RBFOX1: variants seen among roughly 807,000 people sequenced by gnomAD.
RBFOX1 encodes the protein RNA binding fox-1 homolog 1.
A neutral mutation model predicts 57.7 loss-of-function variants in RBFOX1; 8 were observed. That is an observed-to-expected ratio of 0.14 (90% confidence interval 0.08 to 0.25). The LOEUF is 0.25. Ranked by LOEUF, RBFOX1 falls within the 10% of genes least tolerant of loss-of-function variation. The probability of loss-of-function intolerance (pLI) is 1.00; values close to 1 mark genes in which losing one functional copy is unlikely to be tolerated. For synonymous variants in RBFOX1, 326 were observed against 222.4 expected (o/e 1.47, Z -4.15); for missense variants, 611 against 548.5 (o/e 1.11, Z -1.14).
At chr16:6,849,762 G>T (rs1348392890) in intron 3 of RBFOX1, among the ~76,000 whole-genome samples, 1 of 152,130 alleles carries the variant, frequency 6.6e-6, no homozygotes, top group African/African-American at 2.4e-5. Context: ...CTAAGACCCA[G>T]TACAAATGCC....
intron 2 of RBFOX1, among the ~76,000 whole-genome samples, chr16:5,572,394 T>C (rs1596316079): frequency 6.6e-6 from 1 of 152,226 alleles, no homozygotes; most frequent in South Asian, 2.1e-4. Context: ...CAGTATATTC[T>C]GTGGCAGGAT....
chr16:7,408,404 C>G (rs921786988), intron 4 of RBFOX1, among the ~76,000 whole-genome samples: 2 of 151,918 alleles, frequency 1.3e-5, no homozygotes, highest in African/African-American at 2.4e-5. Flanking sequence ...CCATTCAAAA[C>G]TGTCACTGCA....
At chr16:7,083,229 C>A (rs998096987) in intron 4 of RBFOX1, among the ~76,000 whole-genome samples, 2 of 152,062 alleles carry the variant, frequency 1.3e-5, no homozygotes, top group African/African-American at 4.8e-5. Context: ...AACCTCTGGA[C>A]TCCAGAGTAC....
At chr16:5,928,704 A>G (rs2058986526) in intron 4 of RBFOX1, among the ~76,000 whole-genome samples, 1 of 151,206 alleles carries the variant, frequency 6.6e-6, no homozygotes, top group African/African-American at 2.4e-5. Flanking sequence ...GCCCAATAAA[A>G]AAAAAAAAAA....
chr16:7,293,036 G>A (rs1440898644), intron 4 of RBFOX1, among the ~76,000 whole-genome samples: 1 of 152,142 alleles, frequency 6.6e-6, no homozygotes, highest in East Asian at 1.9e-4. Context: ...CTGGAACCAA[G>A]ACAGTTTAAT....
intron 1 of RBFOX1, among the ~76,000 whole-genome samples, chr16:6,200,770 C>A (rs2097209718): frequency 6.6e-6 from 1 of 152,066 alleles, no homozygotes; most frequent in African/African-American, 2.4e-5. Context: ...AGGGGACTTA[C>A]CTGAAACCAG....
intron 4 of RBFOX1, among the ~76,000 whole-genome samples, chr16:5,901,038 C>A (rs1034530780): frequency 2.0e-5 from 3 of 152,182 alleles, no homozygotes; most frequent in Non-Finnish European, 2.9e-5. Context: ...GAGATACCTG[C>A]CTCCTCTCCA....
chr16:7,509,390 CTGTGTGTGTG>C (rs34760329), intron 4 of RBFOX1, among the ~76,000 whole-genome samples: 9,740 of 145,128 alleles, frequency 0.067, 927 homozygotes, highest in African/African-American at 0.21. Context: ...GAGCCAAGCC[CTGTGTGTGTG>C]TGTGTGTGTG....
At chr16:6,595,568 A>G (rs927063308) in intron 2 of RBFOX1, among the ~76,000 whole-genome samples, 10 of 152,156 alleles carry the variant, frequency 6.6e-5, no homozygotes, top group Admixed American at 2.6e-4. Context: ...TCTCTTGGAT[A>G]TATACCTACA....
At chr16:6,880,423 G>A (rs1158344599) in intron 3 of RBFOX1, among the ~76,000 whole-genome samples, 1 of 152,168 alleles carries the variant, frequency 6.6e-6, no homozygotes, top group Non-Finnish European at 1.5e-5. Flanking sequence ...ATGTGACCCA[G>A]GTGCAGCCAA....
intron 1 of RBFOX1, among the ~76,000 whole-genome samples, chr16:5,453,042 C>A (rs189941714): frequency 1.3e-5 from 2 of 152,298 alleles, no homozygotes; most frequent in East Asian, 3.9e-4. Context: ...ACTCTGTTTA[C>A]CTCTCTTACT....
At chr16:5,635,194 CTGTT>C (rs1306338266) in intron 3 of RBFOX1, among the ~76,000 whole-genome samples, 1 of 152,224 alleles carries the variant, frequency 6.6e-6, no homozygotes, top group Non-Finnish European at 1.5e-5. Flanking sequence ...AAAAGAAAAT[CTGTT>C]TGTATTGATG....
chr16:5,353,736 A>C (rs74398530), intron 1 of RBFOX1, among the ~76,000 whole-genome samples: 51 of 148,646 alleles, frequency 3.4e-4, no homozygotes, highest in African/African-American at 1.1e-3. Flanking sequence ...GAAAAAAAAA[A>C]AAACCTCGCC....
chr16:7,477,756 T>C (rs1275551678), intron 4 of RBFOX1, among the ~76,000 whole-genome samples: 1 of 152,202 alleles, frequency 6.6e-6, no homozygotes, highest in Non-Finnish European at 1.5e-5. Flanking sequence ...ACTGCAAATA[T>C]GACCTTTCCC....
chr16:6,537,655 G>C (rs1356865156), intron 2 of RBFOX1, among the ~76,000 whole-genome samples: 2 of 152,062 alleles, frequency 1.3e-5, no homozygotes, highest in Non-Finnish European at 2.9e-5. Context: ...TGTAATGTCT[G>C]GAGTTTTTTG....
At chr16:6,587,160 A>G (rs2097639098) in intron 2 of RBFOX1, among the ~76,000 whole-genome samples, 1 of 152,032 alleles carries the variant, frequency 6.6e-6, no homozygotes, top group Admixed American at 6.6e-5. Context: ...TTTTTTATCC[A>G]TTGACTAATG....
At chr16:7,588,157 T>C (rs984493025) in intron 7 of RBFOX1, among the ~76,000 whole-genome samples, 1 of 152,128 alleles carries the variant, frequency 6.6e-6, no homozygotes, top group Admixed American at 6.5e-5. Flanking sequence ...ACAGCCTCGG[T>C]GAACAGAGCA....
At chr16:6,647,679 C>T (rs555038224) in intron 2 of RBFOX1, among the ~76,000 whole-genome samples, 1 of 152,270 alleles carries the variant, frequency 6.6e-6, no homozygotes, top group South Asian at 2.1e-4. Flanking sequence ...TTCAGTCCAT[C>T]ATACTACGTG....
intron 2 of RBFOX1, among the ~76,000 whole-genome samples, chr16:6,540,070 T>G (rs551780808): frequency 6.6e-6 from 1 of 152,194 alleles, no homozygotes; most frequent in South Asian, 2.1e-4. Flanking sequence ...GTGACTTGAC[T>G]TTGATGAAAT....
Sources: allele counts gnomAD v4.1 joint callset (sites outside exome capture counted in the v4.1 genomes callset), GRCh38; gene constraint gnomAD v4.1.1; transcripts MANE v1.5; gene names NCBI Gene and HGNC (gene_info 2026-07-23, HGNC 2026-07-21).